Variants in PCDHGA8 observed in about 807,000 individuals in gnomAD.
PCDHGA8 encodes the protein protocadherin gamma subfamily A, 8, also known as protocadherin gamma-A8.
A neutral mutation model predicts 59.2 loss-of-function variants in PCDHGA8; 45 were observed. The observed-to-expected ratio is 0.76, with a 90% confidence interval of 0.60 to 0.98. The LOEUF (loss-of-function observed/expected upper bound fraction) is 0.98. PCDHGA8 is among the 50% of genes least tolerant of loss of function. The probability of loss-of-function intolerance (pLI) is 0.00; values close to 1 mark genes in which losing one functional copy is unlikely to be tolerated. For synonymous variants in PCDHGA8, 531 were observed against 519.0 expected, an observed-to-expected ratio of 1.02 and a Z score of -0.32; for missense variants, 1,257 against 1,196.2, an observed-to-expected ratio of 1.05 and a Z score of -0.75.
rs1173375966 is a variant in PCDHGA8, at chr5:141,511,162, GAGA to G, written c.2794_2796del (p.Lys932del). 16 of 1,614,044 alleles carry G rather than the reference GAGA, an allele frequency of 9.9e-6. No individual in the cohort carries two copies. The highest frequency in any genetic ancestry group is 5.5e-5 in the South Asian group (5 of 91,078). On this transcript the variant is annotated inframe_deletion, in exon 4 of 4. Transcript: ENST00000398604. The stretch of plus-strand genomic sequence containing the variant: ...CAACAAGAAGAAGTCGGGCAAGAAG[GAGA>G]AGAAGTAACATGGAGGCCAGGCCAA...
intron 1 of PCDHGA8, among the ~76,000 whole-genome samples, chr5:141,443,859 GAA>G (rs2098408229): frequency 6.6e-6 from 1 of 152,104 alleles, no homozygotes; most frequent in Non-Finnish European, 1.5e-5. Context: ...TCTGAAAACT[GAA>G]AAAATTACTG....
rs773703641 is a variant in PCDHGA8, at chr5:141,477,856, G to A, written c.2425-16951G>A. On this transcript the variant is annotated intron_variant, in intron 1 of 3. Transcript: ENST00000398604. The surrounding 1 kb of genome is among the most constrained non-coding windows in gnomAD (Gnocchi z 4.9). ...CAGGTGGGAGCTCGGTGGAGATGCT[G>A]CCTCGAGGTACCTCAGCTGGCCACC... is the stretch of plus-strand genomic sequence containing the variant. 6.2e-7 allele frequency: 1 copy of A among 1,613,592 alleles called. No homozygotes were observed. Among genetic ancestry groups the A allele is most frequent in the Admixed American group, 1.7e-5 (1 of 59,976 alleles).
At position 141,421,347 on chromosome 5, in the gene PCDHGA8, C is replaced by T. The variant is rs147068995; in HGVS notation, c.2424+26110C>T. 359 of 1,613,948 alleles carry T rather than the reference C, an allele frequency of 2.2e-4. 2 individuals carry two copies. In the East Asian group the frequency reaches 6.5e-3, roughly 29 times the overall value. On this transcript the variant is annotated intron_variant, in intron 1 of 3. Coordinates refer to ENST00000398604, the MANE Select transcript of PCDHGA8 (RefSeq NM_032088.2). ...TCCGATATTCGGTGCCAGAAGAGAC[C>T]GAAAAGGGCTCCTTCGTGGGCAATA...
chr5:141,485,124 C>T lies in PCDHGA8; in HGVS notation c.2425-9683C>T. The T allele has an allele frequency of 7.2e-7, 1 of 1,390,146 alleles. No individual in the cohort carries two copies. The highest frequency in any genetic ancestry group is 1.0e-6 in the Non-Finnish European group (1 of 990,090). The allele number at this position is 1,390,146 out of a possible 1,614,324, so 86.1% of individuals were successfully genotyped here. ...GCTGCTGTGGCTGTTTGGGGCGGGT[C>T]GGCTTCATCCGCGTCTCAGGAGCAA... On this transcript the variant is annotated intron_variant, in intron 1 of 3. Coordinates refer to ENST00000398604, the MANE Select transcript of PCDHGA8 (RefSeq NM_032088.2). The surrounding 1 kb of genome is among the most constrained non-coding windows in gnomAD (Gnocchi z 5.7).
intron 1 of PCDHGA8, chr5:141,421,360 T>G (rs549572548): frequency 6.2e-7 from 1 of 1,613,980 alleles, no homozygotes; most frequent in African/African-American, 1.3e-5. Context: ...AAAGGGCTCC[T>G]TCGTGGGCAA....
chr5:141,443,207 C>T (rs907169095), intron 1 of PCDHGA8, among the ~76,000 whole-genome samples: 5 of 152,064 alleles, frequency 3.3e-5, no homozygotes, highest in African/African-American at 1.2e-4. Context: ...AAGAGCTTGT[C>T]TCGCCAGGCG....
At chr5:141,458,308 A>G (rs1363472724) in intron 1 of PCDHGA8, among the ~76,000 whole-genome samples, 1 of 152,196 alleles carries the variant, frequency 6.6e-6, no homozygotes, top group Non-Finnish European at 1.5e-5. Context: ...AGATAAAATG[A>G]CACAGACACA....
chr5:141,399,198 G>T (rs1370289172), intron 1 of PCDHGA8: 1 of 1,613,816 alleles, frequency 6.2e-7, no homozygotes, highest in African/African-American at 1.3e-5. Context: ...AAAACGCGGT[G>T]CCTGGAACAC....
In PCDHGA8 at chr5:141,395,241, A is replaced by T. The variant is rs1398967812; in HGVS notation, c.2424+4A>T. On this transcript the variant is annotated splice_donor_region_variant and intron_variant, in intron 1 of 3. Coordinates refer to ENST00000398604, the MANE Select transcript of PCDHGA8 (RefSeq NM_032088.2). The stretch of plus-strand genomic sequence containing the variant: ...GAATGAAGCTGATCATGGTCAGGTG[A>T]GTTTAGTTCTTTGCTTGCTTTTAAT... 6.4e-7 allele frequency: 1 copy of T among 1,571,196 alleles called. No homozygotes were observed. The highest frequency in any genetic ancestry group is 2.3e-5 in the East Asian group (1 of 44,292).
chr5:141,429,387 TAA>T (rs11410533), intron 1 of PCDHGA8, among the ~76,000 whole-genome samples: 155 of 151,446 alleles, frequency 1.0e-3, no homozygotes, highest in African/African-American at 3.5e-3. Flanking sequence ...GTTTTTTTTT[TAA>T]AAAAAATTGA....
intron 1 of PCDHGA8, chr5:141,409,926 T>G: frequency 6.2e-7 from 1 of 1,613,344 alleles, no homozygotes; most frequent in Non-Finnish European, 8.5e-7. Flanking sequence ...TCCGCGTTCT[T>G]CGATATGGTA....
At chr5:141,500,582 T>G (rs534297929) in intron 2 of PCDHGA8, among the ~76,000 whole-genome samples, 29 of 152,314 alleles carry the variant, frequency 1.9e-4, no homozygotes, top group African/African-American at 6.7e-4. Flanking sequence ...ATGTGACACT[T>G]TATTCACATA....
In PCDHGA8 at chr5:141,395,131, C is replaced by T; in HGVS notation, c.2318C>T (p.Pro773Leu). Residue 773 changes from proline to leucine, a missense_variant, in exon 1 of 4, where the codon CCC becomes CTC. Transcript: ENST00000398604. ...AAGAGTCACCTGATCTTTCCCCAGC[C>T]CAACTACGCAGACATGCTCATCAGT... ...SRKSHLIFPQ[P>L]NYADMLISQE... 6.2e-7 allele frequency: 1 copy of T among 1,614,202 alleles called. No individual in the cohort carries two copies. The highest frequency in any genetic ancestry group is 8.5e-7 in the Non-Finnish European group (1 of 1,180,038).
chr5:141,399,945 G>T, intron 1 of PCDHGA8: 2 of 1,612,308 alleles, frequency 1.2e-6, no homozygotes, highest in Non-Finnish European at 1.7e-6. Context: ...ACGTGCTGCA[G>T]GCTAGCGAGC....
intron 1 of PCDHGA8, chr5:141,413,112 G>A (rs1589839162): frequency 6.7e-7 from 1 of 1,502,662 alleles, no homozygotes; most frequent in East Asian, 2.3e-5. Flanking sequence ...GAAAGACAAA[G>A]GAACCGGTTG....
intron 1 of PCDHGA8, chr5:141,418,408 A>G (rs2096253819): frequency 8.1e-6 from 13 of 1,614,032 alleles, no homozygotes; most frequent in Non-Finnish European, 1.1e-5. Flanking sequence ...TGGTGGAGAA[A>G]GACAATCCTG....
rs569362520 is a variant in PCDHGA8 at position 141,415,063 on chromosome 5, G to T, written c.2424+19826G>T. ...CGCGGTGGGGGAGCACACGGGCGAG[G>T]TGCGCACGGCGCGAGCCCTGCTGGA... On this transcript the variant is annotated intron_variant, in intron 1 of 3. Coordinates refer to ENST00000398604, the MANE Select transcript of PCDHGA8 (RefSeq NM_032088.2). The T allele has an allele frequency of 3.1e-6, 5 of 1,613,432 alleles. No individual in the cohort carries two copies. The highest frequency in any genetic ancestry group is 3.3e-5 in the Admixed American group (2 of 60,008).
chr5:141,498,967 GGGAGGGAAGGAAGGAA>G (rs1333462541), intron 2 of PCDHGA8, among the ~76,000 whole-genome samples: 8 of 129,672 alleles, frequency 6.2e-5, no homozygotes, highest in East Asian at 2.2e-4. Context: ...GAGGGAGGGA[GGGAGGGAAGGAAGGAA>G]GGAAGGAAGG....
chr5:141,403,517 G>A, intron 1 of PCDHGA8: 1 of 1,614,030 alleles, frequency 6.2e-7, no homozygotes, highest in Non-Finnish European at 8.5e-7. Context: ...AGACAATGGA[G>A]CCATAAACCC....
Sources: allele counts gnomAD v4.1 joint callset (sites outside exome capture counted in the v4.1 genomes callset), GRCh38; gene constraint gnomAD v4.1.1; non-coding constraint Gnocchi (gnomAD v3.1); transcripts MANE v1.5; gene names NCBI Gene and HGNC (gene_info 2026-07-23, HGNC 2026-07-21).